Variants in CRPPA observed in about 807,000 individuals in gnomAD.
The protein encoded by CRPPA is D-ribitol-5-phosphate cytidylyltransferase.
A neutral mutation model predicts 52.0 loss-of-function variants in CRPPA; 43 were observed. That is an observed-to-expected ratio of 0.83 (90% CI 0.65 to 1.07). The LOEUF (loss-of-function observed/expected upper bound fraction) is 1.07, where lower values mean the gene tolerates loss of function less well. CRPPA is among the 50% of genes least tolerant of loss of function. The probability of loss-of-function intolerance (pLI) is 0.00; values close to 1 mark genes in which losing one functional copy is unlikely to be tolerated. For synonymous variants in CRPPA, 250 were observed against 203.5 expected (o/e 1.23, Z -1.94); for missense variants, 629 against 551.7 (o/e 1.14, Z -1.40).
At chr7:16,340,638 A>AAACCTC (rs2128305850) in intron 3 of CRPPA, among the ~76,000 whole-genome samples, 1 of 151,606 alleles carries the variant, frequency 6.6e-6, no homozygotes, top group East Asian at 1.9e-4. Flanking sequence ...GAAAAAACCA[A>AAACCTC]AACCTCTCAT....
At chr7:16,216,472 A>C (rs926387657) in intron 8 of CRPPA, 111 of 302,466 alleles carry the variant, frequency 3.7e-4, no homozygotes, top group Middle Eastern at 2.1e-3. Flanking sequence ...TCCGGTCTAC[A>C]GCTCCCAGCG....
At chr7:16,160,709 T>C (rs1041244880) in intron 9 of CRPPA, among the ~76,000 whole-genome samples, 2 of 152,204 alleles carry the variant, frequency 1.3e-5, no homozygotes, top group Non-Finnish European at 2.9e-5. Flanking sequence ...AGAAAGTCAG[T>C]GGTAGCTTGA....
At chr7:16,352,455 T>C (rs1055407739) in intron 3 of CRPPA, among the ~76,000 whole-genome samples, 2 of 151,834 alleles carry the variant, frequency 1.3e-5, no homozygotes, top group Non-Finnish European at 2.9e-5. Flanking sequence ...AGGACCTGAA[T>C]AGACATTTTT....
At chr7:16,200,150 G>A (rs1190910037) in intron 9 of CRPPA, among the ~76,000 whole-genome samples, 1 of 152,130 alleles carries the variant, frequency 6.6e-6, no homozygotes, top group Non-Finnish European at 1.5e-5. Context: ...AAGCCACTCT[G>A]CCCGGCCAGA....
At chr7:16,307,984 T>C (rs1474423459) in intron 4 of CRPPA, among the ~76,000 whole-genome samples, 1 of 150,898 alleles carries the variant, frequency 6.6e-6, no homozygotes, top group Non-Finnish European at 1.5e-5. Context: ...TCATGGGGAA[T>C]TGTAAGCTCT....
At chr7:16,147,444 A>G (rs994420977) in intron 9 of CRPPA, among the ~76,000 whole-genome samples, 3 of 152,180 alleles carry the variant, frequency 2.0e-5, no homozygotes, top group African/African-American at 7.2e-5. Context: ...CTTCAGTTTA[A>G]CTTATCAGTC....
intron 8 of CRPPA, among the ~76,000 whole-genome samples, chr7:16,236,792 T>C (rs1421313921): frequency 6.6e-6 from 1 of 152,076 alleles, no homozygotes; most frequent in South Asian, 2.1e-4. Flanking sequence ...TCATCTACCA[T>C]ACAGACACTA....
chr7:16,398,678 CAT>C (rs374983380), intron 2 of CRPPA, among the ~76,000 whole-genome samples: 19 of 152,124 alleles, frequency 1.2e-4, no homozygotes, highest in Non-Finnish European at 1.0e-4. Flanking sequence ...TGACACGTGA[CAT>C]GTGACTGACA....
At chr7:16,249,684 C>A (rs1186281574) in intron 8 of CRPPA, among the ~76,000 whole-genome samples, 1 of 152,160 alleles carries the variant, frequency 6.6e-6, no homozygotes, top group Non-Finnish European at 1.5e-5. Flanking sequence ...ATAGCATCAA[C>A]ATCAACAAAA....
At chr7:16,157,899 G>A (rs867265036) in intron 9 of CRPPA, among the ~76,000 whole-genome samples, 5 of 150,266 alleles carry the variant, frequency 3.3e-5, no homozygotes, top group African/African-American at 7.4e-5. Flanking sequence ...TTTTGAGACC[G>A]AGTCTCACTC....
At chr7:16,275,884 A>G (rs78083778) in intron 6 of CRPPA, among the ~76,000 whole-genome samples, 4,885 of 152,010 alleles carry the variant, frequency 0.032, 261 homozygotes, top group African/African-American at 0.11. Context: ...AAAAAAGACT[A>G]AACAGCAAAA....
chr7:16,347,675 C>A (rs753566516), intron 3 of CRPPA, among the ~76,000 whole-genome samples: 16 of 152,044 alleles, frequency 1.1e-4, no homozygotes, highest in African/African-American at 3.6e-4. Flanking sequence ...AAGTCTCCTA[C>A]CCAATAAGGC....
chr7:16,251,969 G>A (rs1357984518), intron 8 of CRPPA, among the ~76,000 whole-genome samples: 1 of 152,020 alleles, frequency 6.6e-6, no homozygotes, highest in Admixed American at 6.6e-5. Context: ...TGAGAAAATA[G>A]ACAGACCGCT....
intron 9 of CRPPA, chr7:16,208,801 G>C (rs1429285183): frequency 6.1e-6 from 1 of 163,850 alleles, no homozygotes; most frequent in Non-Finnish European, 1.3e-5. Flanking sequence ...CTGAAACCTT[G>C]TTGGAAGTTC....
chr7:16,322,669 G>C (rs976859253), intron 3 of CRPPA, among the ~76,000 whole-genome samples: 1 of 152,140 alleles, frequency 6.6e-6, no homozygotes, highest in Non-Finnish European at 1.5e-5. Flanking sequence ...AATTTCTACA[G>C]ACCAGTGATT....
Position 16,203,702 on chromosome 7 carries a change from C to T in CRPPA, c.1251+12364G>A, listed in dbSNP as rs146322827. On this transcript the variant is annotated intron_variant, in intron 9 of 9. Transcript: ENST00000407010. ...TGAAGCCATTATCTTAGAATTTTTT[C>T]AGTTATATTTTTAAACCACTCTGTG... 6.5e-3 allele frequency among the ~76,000 whole-genome samples: 996 copies of T among 152,188 alleles called. 11 individuals are homozygous for T. The highest frequency in any genetic ancestry group is 0.023 in the African/African-American group (944 of 41,518).
intron 2 of CRPPA, among the ~76,000 whole-genome samples, chr7:16,382,763 C>T (rs909484464): frequency 6.6e-6 from 1 of 152,060 alleles, no homozygotes; most frequent in African/African-American, 2.4e-5. Flanking sequence ...CGCTGATACC[C>T]TTTCTTCCAG....
At chr7:16,362,079 C>A (rs1786465072) in intron 3 of CRPPA, among the ~76,000 whole-genome samples, 2 of 152,188 alleles carry the variant, frequency 1.3e-5, no homozygotes, top group Admixed American at 1.3e-4. Context: ...TGGTCTCGAT[C>A]TCCTGACCTC....
chr7:16,125,622 C>T (rs907978450), intron 9 of CRPPA, among the ~76,000 whole-genome samples: 2 of 151,916 alleles, frequency 1.3e-5, no homozygotes, highest in Non-Finnish European at 2.9e-5. Context: ...GGACCCCCCT[C>T]GTAAATAAGC....
Sources: gnomAD v4.1 joint callset for allele counts (sites outside exome capture counted in the v4.1 genomes callset) on GRCh38, gnomAD v4.1.1 for gene constraint, MANE v1.5 for transcripts, NCBI Gene and HGNC (gene_info 2026-07-23, HGNC 2026-07-21) for gene names.